The following SNTN variants were observed in gnomAD, a reference collection of about 807,000 sequenced individuals.
SNTN encodes sentan, cilia apical structure protein, also known as sentan.
SNTN carries 13 observed loss-of-function variants against 12.3 expected under a neutral mutation model. The observed-to-expected ratio is 1.05, with a 90% CI of 0.69 to 1.67. The LOEUF (loss-of-function observed/expected upper bound fraction) is 1.67, where lower values mean the gene tolerates loss of function less well. Ranked by LOEUF, SNTN falls within the 40% of genes most tolerant of loss-of-function variation. The pLI, the probability that SNTN is intolerant of heterozygous loss-of-function variation, is 0.00. For missense variants in SNTN, 189 were observed against 169.8 expected (o/e 1.11, Z -0.63); for synonymous variants, 69 against 58.5 (o/e 1.18, Z -0.82).
intron 2 of SNTN, 41 bp downstream of exon 2, chr3:63,654,837 C>A (rs755793510): frequency 5.7e-6 from 9 of 1,577,444 alleles, no homozygotes; most frequent in Middle Eastern, 1.7e-4. Flanking sequence ...TTCTCCTCTA[C>A]CAAGATGGCA....
intron 3 of SNTN, among the ~76,000 whole-genome samples, chr3:63,661,444 TG>T (rs756758118): frequency 1.2e-4 from 18 of 152,068 alleles, no homozygotes; most frequent in Non-Finnish European, 2.1e-4. Context: ...TGTCACCCAC[TG>T]GGGGGAGCTA....
chr3:63,656,489 A>G (rs1700680675), intron 2 of SNTN, among the ~76,000 whole-genome samples: 1 of 152,204 alleles, frequency 6.6e-6, no homozygotes, highest in South Asian at 2.1e-4. Context: ...AGTAGGAAAA[A>G]AAATGTAAAA....
In SNTN at chr3:63,663,966, G is replaced by A; in HGVS notation, c.315G>A (p.Glu105=). 6.2e-7 allele frequency: 1 copy of A among 1,613,208 alleles called. No homozygotes were observed. The highest frequency in any genetic ancestry group is 8.5e-7 in the Non-Finnish European group (1 of 1,179,810). The change falls in exon 4 of 4, where the codon GAG becomes GAA. Residue 105 remains glutamate, a synonymous_variant. Transcript: ENST00000343837. ...EGQETKPKYR[E]ILSELDEHTE... is the part of the protein sequence containing the mutation. ...AAGAAACCAAGCCAAAATACAGAGA[G>A]ATCCTTTCTGAACTTGATGAGCACA...
In SNTN at chr3:63,662,049, G is replaced by A. The variant is rs79056332; in HGVS notation, c.286-1888G>A. Among the ~76,000 whole-genome samples the A allele has an allele frequency of 3.0e-3, 462 of 152,182 alleles. 2 individuals are homozygous for A. The highest frequency in any genetic ancestry group is 0.011 in the African/African-American group (450 of 41,540). On this transcript the variant is annotated intron_variant, in intron 3 of 3. Coordinates refer to ENST00000343837, the MANE Select transcript of SNTN (RefSeq NM_001080537.2). The stretch of plus-strand genomic sequence containing the variant: ...AATTTCTGGATCTCTCTAGCAGCAG[G>A]CACACCCAGGCCTCAGTGTAATCTT...
At chr3:63,657,364 A>G (rs534100059) in intron 2 of SNTN, among the ~76,000 whole-genome samples, 2 of 152,262 alleles carry the variant, frequency 1.3e-5, no homozygotes, top group African/African-American at 2.4e-5. Flanking sequence ...TTTCAGTTGC[A>G]CTTAGCCCTT....
At chr3:63,655,250 A>G (rs1413048011) in intron 2 of SNTN, among the ~76,000 whole-genome samples, 5 of 152,322 alleles carry the variant, frequency 3.3e-5, no homozygotes, top group African/African-American at 7.2e-5. Flanking sequence ...AATCAATTGC[A>G]TAGGTAAAAT....
At chr3:63,663,325 A>T (rs7631976) in intron 3 of SNTN, among the ~76,000 whole-genome samples, 1 of 152,008 alleles carries the variant, frequency 6.6e-6, no homozygotes, top group Non-Finnish European at 1.5e-5. Context: ...TATATATTCA[A>T]TAAGGTCACT....
Position 63,664,005 on chromosome 3 carries a change from A to G in SNTN, c.354A>G (p.Leu118=). 6.2e-7 allele frequency: 1 copy of G among 1,614,070 alleles called. No homozygotes were observed. The highest frequency in any genetic ancestry group is 2.2e-5 in the East Asian group (1 of 44,852). Reference sequence around the variant, plus strand: ...TTGATGAGCACACAGAAAATAAGCTAGATTTTGAAGACTTCATGATCTTGC... The same window carrying G: ...TTGATGAGCACACAGAAAATAAGCTGGATTTTGAAGACTTCATGATCTTGC... ...SELDEHTENK[L]DFEDFMILLL... The change falls in exon 4 of 4, where the codon CTA becomes CTG. Residue 118 remains leucine, a synonymous_variant. Transcript: ENST00000343837.
intron 1 of SNTN, 114 bp from the exon 2 acceptor site, chr3:63,654,648 A>C: frequency 2.2e-6 from 2 of 903,636 alleles, no homozygotes; most frequent in Non-Finnish European, 3.3e-6. Flanking sequence ...CTAAAATCTC[A>C]GAGAATGTTT....
chr3:63,662,913 GTC>G (rs971915733), intron 3 of SNTN, among the ~76,000 whole-genome samples: 2 of 152,166 alleles, frequency 1.3e-5, no homozygotes, highest in African/African-American at 4.8e-5. Context: ...AAATTAAAAA[GTC>G]TCTCCATTTA....
chr3:63,653,781 A>G (rs60999732), intron 1 of SNTN, among the ~76,000 whole-genome samples: 7,004 of 152,250 alleles, frequency 0.046, 516 homozygotes, highest in African/African-American at 0.16. Flanking sequence ...AATTTCCTAA[A>G]ATGCAAATCT....
chr3:63,659,367 A>T (rs1026356906), intron 2 of SNTN, among the ~76,000 whole-genome samples: 1 of 152,212 alleles, frequency 6.6e-6, no homozygotes, highest in African/African-American at 2.4e-5. Flanking sequence ...GATTCCTAAT[A>T]TCAAGGACTG....
rs1456172943 is a variant in SNTN, at chr3:63,659,448, A to G, written c.146-277A>G. On this transcript the variant is annotated intron_variant, in intron 2 of 3. Coordinates refer to ENST00000343837, the MANE Select transcript of SNTN (RefSeq NM_001080537.2). ...GAATGAAATTACAGATCAGAAAACC[A>G]AAGCTTAGAGAGGTGAGAGACTTTT... Among the ~76,000 whole-genome samples the G allele has an allele frequency of 3.3e-5, 5 of 152,328 alleles. No homozygotes were observed. The East Asian group carries it at 7.7e-4, about 24-fold the overall frequency.
chr3:63,662,057 A>G (rs2106944071), intron 3 of SNTN, among the ~76,000 whole-genome samples: 1 of 152,294 alleles, frequency 6.6e-6, no homozygotes, highest in Middle Eastern at 3.4e-3. Context: ...AGGCACACCC[A>G]GGCCTCAGTG....
At chr3:63,663,198 T>C (rs1246380339) in intron 3 of SNTN, among the ~76,000 whole-genome samples, 2 of 152,156 alleles carry the variant, frequency 1.3e-5, no homozygotes, top group East Asian at 1.9e-4. Context: ...GTATGGGCTG[T>C]CAAGAGGTAG....
rs763862280 is a variant in SNTN at position 63,659,742 on chromosome 3, G to T, written c.163G>T (p.Asp55Tyr). 11 of 1,613,814 alleles carry T rather than the reference G, an allele frequency of 6.8e-6. No homozygotes were observed. Among genetic ancestry groups the T allele is most frequent in the Non-Finnish European group, 9.3e-6 (11 of 1,179,912 alleles). The change falls in exon 3 of 4, where the codon GAT becomes TAT. Residue 55 changes from aspartate to tyrosine, a missense_variant. By Grantham distance (160) the Asp-to-Tyr change is radical. Transcript: ENST00000343837. ...TCTCCTAGCTCTGAGGAAGTGCTCA[G>T]ATCTGGAAAAAGCTATTGCCACCAC... ...ASVKALRKCS[D>Y]LEKAIATTAL...
chr3:63,663,567 C>T (rs184448026), intron 3 of SNTN: 4 of 199,026 alleles, frequency 2.0e-5, no homozygotes, highest in Non-Finnish European at 3.1e-5. Context: ...TAAATGAATG[C>T]CCTGCCTTGG....
intron 2 of SNTN, among the ~76,000 whole-genome samples, chr3:63,656,207 A>T (rs780444919): frequency 6.6e-6 from 1 of 152,190 alleles, no homozygotes; most frequent in Non-Finnish European, 1.5e-5. Context: ...GAATTAGGAG[A>T]TTTAGTGTTC....
At chr3:63,659,350 A>G (rs1700717006) in intron 2 of SNTN, among the ~76,000 whole-genome samples, 1 of 152,194 alleles carries the variant, frequency 6.6e-6, no homozygotes. Context: ...ACTTCATTTT[A>G]TTCGGTGATT....
Sources: gnomAD v4.1 joint callset for allele counts (sites outside exome capture counted in the v4.1 genomes callset) on GRCh38, gnomAD v4.1.1 for gene constraint, MANE v1.5 for transcripts, NCBI Gene and HGNC (gene_info 2026-07-23, HGNC 2026-07-21) for gene names.